ERBB4: variants seen among roughly 807,000 people sequenced by gnomAD.
ERBB4 encodes the protein erb-b2 receptor tyrosine kinase 4, also known as receptor tyrosine-protein kinase erbB-4.
ERBB4 carries 42 observed loss-of-function variants against 158.0 expected under a neutral mutation model. The observed-to-expected ratio is 0.27, with a 90% CI of 0.21 to 0.34. The LOEUF (loss-of-function observed/expected upper bound fraction) is 0.34, where lower values mean the gene tolerates loss of function less well. Among genes scored for constraint, ERBB4 ranks in the 10% least tolerant of loss-of-function variants. ERBB4 has a pLI of 1.00. For synonymous variants in ERBB4, 583 were observed against 558.7 expected, an observed-to-expected ratio of 1.04 and a Z score of -0.61; for missense variants, 1,333 against 1,624.1, an observed-to-expected ratio of 0.82 and a Z score of 3.08.
intron 1 of ERBB4, among the ~76,000 whole-genome samples, chr2:212,358,286 C>A (rs2089543071): frequency 6.6e-6 from 1 of 151,588 alleles, no homozygotes; most frequent in Non-Finnish European, 1.5e-5. Flanking sequence ...AAGATCATGT[C>A]TTTTCCTACA....
At chr2:212,192,041 TATATATGTTATATGTTA>T (rs2082276310) in intron 1 of ERBB4, among the ~76,000 whole-genome samples, 3 of 87,884 alleles carry the variant, frequency 3.4e-5, no homozygotes, top group South Asian at 3.6e-4. Context: ...TTATATGTTA[TATATATGTTATATGTTA>T]TATATGTTAT....
intron 1 of ERBB4, among the ~76,000 whole-genome samples, chr2:212,202,408 G>C (rs2082613955): frequency 6.6e-6 from 1 of 151,926 alleles, no homozygotes; most frequent in Non-Finnish European, 1.5e-5. Context: ...GAATGAAGTG[G>C]TACGATCATG....
chr2:212,389,740 G>T (rs1046055378), intron 1 of ERBB4, among the ~76,000 whole-genome samples: 11 of 151,762 alleles, frequency 7.2e-5, no homozygotes, highest in African/African-American at 2.7e-4. Flanking sequence ...TTGTGTACTT[G>T]GCATTATATT....
chr2:211,538,180 A>T (rs1357254548), intron 20 of ERBB4, among the ~76,000 whole-genome samples: 1 of 144,958 alleles, frequency 6.9e-6, no homozygotes, highest in Non-Finnish European at 1.5e-5. Context: ...TACACTGAAG[A>T]TCATCTAGTA....
rs1422972476 is a variant in ERBB4, at chr2:211,580,887, ATATATATATATATATATAT to A, written c.2302-18818_2302-18800del. Among the ~76,000 whole-genome samples, 7 of 3,434 alleles carry A rather than the reference ATATATATATATATATATAT, an allele frequency of 2.0e-3. 1 individual carries two copies. The highest frequency in any genetic ancestry group is 0.016 in the African/African-American group (7 of 442). 2.3% of individuals were successfully genotyped at this position (3,434 alleles called of 152,430 possible). On this transcript the variant is annotated intron_variant, in intron 19 of 27. Coordinates refer to ENST00000342788, the MANE Select transcript of ERBB4 (RefSeq NM_005235.3). ...TATACATATATATATATATATATAT[ATATATATATATATATATAT>A]ATATATATATGATGGAATACTACTT...
chr2:211,902,860 A>G (rs1479224967), intron 3 of ERBB4, among the ~76,000 whole-genome samples: 1 of 152,006 alleles, frequency 6.6e-6, no homozygotes, highest in African/African-American at 2.4e-5. Flanking sequence ...AGCAAAAACT[A>G]TATTTAAAAA....
At chr2:211,437,942 G>A (rs1189647439) in intron 20 of ERBB4, among the ~76,000 whole-genome samples, 3 of 152,136 alleles carry the variant, frequency 2.0e-5, no homozygotes, top group Non-Finnish European at 4.4e-5. Flanking sequence ...GCATGTTTAA[G>A]GAAAGAAAGG....
At chr2:211,816,347 C>G (rs1349919703) in intron 3 of ERBB4, among the ~76,000 whole-genome samples, 1 of 151,626 alleles carries the variant, frequency 6.6e-6, no homozygotes, top group East Asian at 1.9e-4. Context: ...TTGAGACCAG[C>G]CTGGGCAACA....
intron 1 of ERBB4, among the ~76,000 whole-genome samples, chr2:212,450,821 GAA>G (rs57931477): frequency 3.2e-5 from 3 of 92,844 alleles, no homozygotes; most frequent in Admixed American, 1.3e-4. Flanking sequence ...TTTCAGCCGA[GAA>G]AAAAAAAAAA....
chr2:211,703,635 T>C (rs1213555102), intron 11 of ERBB4, among the ~76,000 whole-genome samples: 1 of 152,166 alleles, frequency 6.6e-6, no homozygotes. Context: ...TTTTTGTCCA[T>C]TTATTAACCA....
chr2:212,343,858 T>C (rs2088842706), intron 1 of ERBB4, among the ~76,000 whole-genome samples: 1 of 152,156 alleles, frequency 6.6e-6, no homozygotes, highest in Admixed American at 6.5e-5. Context: ...TTATATTTAC[T>C]TTTACCAAAG....
intron 2 of ERBB4, among the ~76,000 whole-genome samples, chr2:212,002,552 G>A (rs1322103135): frequency 2.0e-5 from 3 of 151,910 alleles, no homozygotes; most frequent in Non-Finnish European, 2.9e-5. Flanking sequence ...AAAATAAACA[G>A]GTAAAAGGGC....
intron 5 of ERBB4, among the ~76,000 whole-genome samples, chr2:211,740,130 C>G (rs2074740266): frequency 6.6e-6 from 1 of 152,080 alleles, no homozygotes; most frequent in Non-Finnish European, 1.5e-5. Flanking sequence ...GACAGTTACT[C>G]AAGAAATACT....
intron 2 of ERBB4, among the ~76,000 whole-genome samples, chr2:212,117,662 A>G (rs1430688866): frequency 1.3e-5 from 2 of 152,214 alleles, no homozygotes; most frequent in African/African-American, 4.8e-5. Flanking sequence ...TGAAATATGC[A>G]TGCTGTATCT....
intron 1 of ERBB4, among the ~76,000 whole-genome samples, chr2:212,189,642 TAAA>T (rs1173412927): frequency 6.6e-6 from 1 of 152,238 alleles, no homozygotes; most frequent in Non-Finnish European, 1.5e-5. Flanking sequence ...TGCACTGCAC[TAAA>T]TGTGTAACAG....
chr2:212,192,045 TATGTTATATGTTA>T (rs1192448740), intron 1 of ERBB4, among the ~76,000 whole-genome samples: 9 of 54,918 alleles, frequency 1.6e-4, no homozygotes, highest in African/African-American at 4.3e-4. Context: ...ATGTTATATA[TATGTTATATGTTA>T]TATATGTTAT....
At chr2:212,051,880 G>C (rs1401508217) in intron 2 of ERBB4, among the ~76,000 whole-genome samples, 1 of 152,092 alleles carries the variant, frequency 6.6e-6, no homozygotes, top group Non-Finnish European at 1.5e-5. Context: ...ATTAGAAAAA[G>C]AATAATCTGG....
Position 211,420,474 on chromosome 2 carries a change from G to T in ERBB4, c.3102C>A (p.Ile1034=). The change falls in exon 25 of 28, where the codon ATC becomes ATA. Residue 1034 remains isoleucine (I), a synonymous_variant. Coordinates refer to ENST00000342788, the MANE Select transcript of ERBB4 (RefSeq NM_005235.3). ...VPQAFNIPPP[I]YTSRARIDSN... Reference sequence around the variant, plus strand: ...AGTCAATTCTTGCTCTGGAAGTATAGATGGGAGGTGGGATGTTGAAAGCCT... The same window carrying T: ...AGTCAATTCTTGCTCTGGAAGTATATATGGGAGGTGGGATGTTGAAAGCCT... 1.9e-6 allele frequency: 3 copies of T among 1,612,258 alleles called. No homozygotes were observed. Among genetic ancestry groups the T allele is most frequent in the Non-Finnish European group, 2.5e-6 (3 of 1,178,642 alleles).
At chr2:211,475,175 T>A (rs1478962563) in intron 20 of ERBB4, among the ~76,000 whole-genome samples, 3 of 152,108 alleles carry the variant, frequency 2.0e-5, no homozygotes, top group African/African-American at 7.2e-5. Flanking sequence ...CTTGAAGATA[T>A]TTGACATGAT....
Sources: allele counts gnomAD v4.1 joint callset (sites outside exome capture counted in the v4.1 genomes callset), GRCh38; gene constraint gnomAD v4.1.1; transcripts MANE v1.5; gene names NCBI Gene and HGNC (gene_info 2026-07-23, HGNC 2026-07-21).